The following GPC5 variants were observed in gnomAD, a reference collection of about 807,000 sequenced individuals.
The protein encoded by GPC5 is glypican-5.
In GPC5, 47 loss-of-function variants were observed where a neutral mutation model predicts 53.9. The ratio of observed to expected loss-of-function variants is 0.87; its 90% confidence interval spans 0.69 to 1.11. The LOEUF (loss-of-function observed/expected upper bound fraction) is 1.11, where lower values mean the gene tolerates loss of function less well. GPC5 is among the 50% of genes most tolerant of loss of function. GPC5 has a pLI of 0.00. For synonymous variants in GPC5, 286 were observed against 263.3 expected, an observed-to-expected ratio of 1.09 and a Z score of -0.84; for missense variants, 748 against 713.1, an observed-to-expected ratio of 1.05 and a Z score of -0.56.
In GPC5 at chr13:92,025,243, C is replaced by T. The variant is rs545438007; in HGVS notation, c.1401+117186C>T. ...AGATTCTTAACAATTTATAGTTGGA[C>T]AGCTTTTCCCAAGACTACACAGATC... On this transcript the variant is annotated intron_variant, in intron 6 of 7. Coordinates refer to ENST00000377067, the MANE Select transcript of GPC5 (RefSeq NM_004466.6). Among the ~76,000 whole-genome samples the T allele has an allele frequency of 2.0e-5, 3 of 151,938 alleles. No individual in the cohort carries two copies. The South Asian group carries it at 6.2e-4, about 32-fold the overall frequency.
At chr13:92,035,704 T>C (rs1487832178) in intron 6 of GPC5, among the ~76,000 whole-genome samples, 1 of 151,214 alleles carries the variant, frequency 6.6e-6, no homozygotes, top group African/African-American at 2.4e-5. Flanking sequence ...CTTCAAAAAA[T>C]TTCTTAAAAT....
chr13:92,790,223 T>C (rs1876412749), intron 7 of GPC5, among the ~76,000 whole-genome samples: 1 of 152,116 alleles, frequency 6.6e-6, no homozygotes, highest in Non-Finnish European at 1.5e-5. Context: ...AACAATATTT[T>C]GCATCCCTCA....
chr13:91,481,914 C>A (rs768599915), intron 2 of GPC5, among the ~76,000 whole-genome samples: 6 of 152,102 alleles, frequency 3.9e-5, no homozygotes, highest in African/African-American at 1.2e-4. Context: ...GTGGCAGAAC[C>A]ATTTGTATTG....
chr13:92,286,672 G>C (rs143384047), intron 7 of GPC5, among the ~76,000 whole-genome samples: 1 of 150,638 alleles, frequency 6.6e-6, no homozygotes, highest in East Asian at 2.0e-4. Context: ...ACTTATAGGT[G>C]GGAATTGAAC....
At chr13:92,294,161 G>A (rs1319232864) in intron 7 of GPC5, among the ~76,000 whole-genome samples, 1 of 152,036 alleles carries the variant, frequency 6.6e-6, no homozygotes, top group African/African-American at 2.4e-5. Flanking sequence ...TTCTTTTTTG[G>A]TTATGTCCTT....
chr13:92,099,144 A>T (rs1027256151), intron 6 of GPC5, among the ~76,000 whole-genome samples: 1 of 152,040 alleles, frequency 6.6e-6, no homozygotes, highest in African/African-American at 2.4e-5. Context: ...CAACTATCAC[A>T]TTTTTAGGTA....
At chr13:92,222,295 T>C (rs1229423445) in intron 7 of GPC5, among the ~76,000 whole-genome samples, 1 of 152,196 alleles carries the variant, frequency 6.6e-6, no homozygotes, top group Non-Finnish European at 1.5e-5. Flanking sequence ...TAACTGGTTA[T>C]AAAAACACCT....
chr13:92,194,951 A>T (rs1249695360), intron 7 of GPC5, among the ~76,000 whole-genome samples: 1 of 152,216 alleles, frequency 6.6e-6, no homozygotes, highest in South Asian at 2.1e-4. Flanking sequence ...GGTAATTATC[A>T]TTGGAAATTC....
chr13:92,298,377 A>G (rs1436917734), intron 7 of GPC5, among the ~76,000 whole-genome samples: 2 of 152,154 alleles, frequency 1.3e-5, no homozygotes, highest in African/African-American at 4.8e-5. Context: ...ACAAAATTCA[A>G]CCGGAGGTTT....
chr13:92,088,104 T>C (rs1401908116), intron 6 of GPC5, among the ~76,000 whole-genome samples: 1 of 152,070 alleles, frequency 6.6e-6, no homozygotes, highest in Non-Finnish European at 1.5e-5. Context: ...TTTCTAATTC[T>C]CTTCTTTTGA....
At chr13:92,849,653 G>T (rs1268981543) in intron 7 of GPC5, among the ~76,000 whole-genome samples, 3 of 152,094 alleles carry the variant, frequency 2.0e-5, no homozygotes, top group Non-Finnish European at 4.4e-5. Context: ...AGTAAAAATG[G>T]CATCTATTCA....
chr13:91,623,288 C>T (rs1297307806), intron 2 of GPC5, among the ~76,000 whole-genome samples: 1 of 152,116 alleles, frequency 6.6e-6, no homozygotes, highest in African/African-American at 2.4e-5. Context: ...CAAGGACAAT[C>T]CACAAAGTGT....
At chr13:92,091,588 TAAG>T (rs2041380844) in intron 6 of GPC5, among the ~76,000 whole-genome samples, 1 of 152,160 alleles carries the variant, frequency 6.6e-6, no homozygotes, top group African/African-American at 2.4e-5. Flanking sequence ...CTTGGAATTC[TAAG>T]AAGTAGAGTA....
intron 6 of GPC5, among the ~76,000 whole-genome samples, chr13:92,037,727 A>C (rs1388218844): frequency 1.3e-5 from 2 of 152,202 alleles, no homozygotes; most frequent in Non-Finnish European, 2.9e-5. Context: ...AAAAGCTCAC[A>C]GTATGAACCA....
chr13:91,728,851 T>G (rs2036633590), intron 4 of GPC5, among the ~76,000 whole-genome samples, 186 bp downstream of exon 4: 1 of 152,140 alleles, frequency 6.6e-6, no homozygotes, highest in Admixed American at 6.6e-5. Flanking sequence ...CAGGTTCCAC[T>G]TATAAGACCA....
chr13:92,544,953 T>C (rs1240909261), intron 7 of GPC5, among the ~76,000 whole-genome samples: 1 of 152,074 alleles, frequency 6.6e-6, no homozygotes, highest in Non-Finnish European at 1.5e-5. Context: ...AGTTTTAGGG[T>C]ACCTGTGCAC....
chr13:91,616,137 A>T (rs2139336629), intron 2 of GPC5, among the ~76,000 whole-genome samples: 1 of 152,270 alleles, frequency 6.6e-6, no homozygotes, highest in African/African-American at 2.4e-5. Context: ...TATATTGCCT[A>T]GGAAGAGAGT....
chr13:91,650,398 A>C (rs1439070137), intron 2 of GPC5, among the ~76,000 whole-genome samples: 1 of 149,956 alleles, frequency 6.7e-6, no homozygotes, highest in Non-Finnish European at 1.5e-5. Flanking sequence ...GTAAACTTGT[A>C]GTATATATTT....
chr13:92,679,736 T>G (rs1887057468), intron 7 of GPC5, among the ~76,000 whole-genome samples: 1 of 152,180 alleles, frequency 6.6e-6, no homozygotes, highest in African/African-American at 2.4e-5. Context: ...CTATGAAGTC[T>G]AATTAATATA....
Sources: gnomAD v4.1 joint callset for allele counts (sites outside exome capture counted in the v4.1 genomes callset) on GRCh38, gnomAD v4.1.1 for gene constraint, MANE v1.5 for transcripts, NCBI Gene and HGNC (gene_info 2026-07-23, HGNC 2026-07-21) for gene names.